GMPR: variants seen among roughly 807,000 people sequenced by gnomAD.
The protein encoded by GMPR is GMP reductase 1.
Under a neutral mutation model 38.4 loss-of-function variants are expected in GMPR, and 31 were observed. The ratio of observed to expected loss-of-function variants is 0.81; its 90% confidence interval spans 0.61 to 1.09. The LOEUF (loss-of-function observed/expected upper bound fraction) is 1.09. GMPR is among the 50% of genes least tolerant of loss of function. The pLI, the probability that GMPR is intolerant of heterozygous loss-of-function variation, is 0.00. For missense variants in GMPR, 468 were observed against 453.7 expected (o/e 1.03, Z -0.29); for synonymous variants, 162 against 173.3 (o/e 0.93, Z 0.51).
rs776953857 is a variant in GMPR, at chr6:16,250,329, T to C, written c.253T>C (p.Trp85Arg). 1 of 1,610,946 alleles carries C rather than the reference T, an allele frequency of 6.2e-7. No homozygotes were observed. The highest frequency in any genetic ancestry group is 8.5e-7 in the Non-Finnish European group (1 of 1,177,042). The change falls in exon 3 of 9, where the codon TGG (tryptophan) becomes CGG (arginine). Residue 85 changes from tryptophan (W) to arginine (R), a missense_variant. Transcript: ENST00000259727. ...TCATAAGCATTACTCCCTGGATGACTGGAAGCTCTTTGCCACAAATCACCC... is the reference window on the plus strand; with the variant it reads ...TCATAAGCATTACTCCCTGGATGACCGGAAGCTCTTTGCCACAAATCACCC... ...AIHKHYSLDD[W>R]KLFATNHPEC... is the part of the protein sequence containing the mutation.
chr6:16,278,314 A>G (rs780548794), intron 5 of GMPR, among the ~76,000 whole-genome samples: 65 of 152,180 alleles, frequency 4.3e-4, no homozygotes, highest in Non-Finnish European at 8.2e-4. Flanking sequence ...TGGATTTTAC[A>G]GGCCGGGCAG....
At chr6:16,278,671 G>A (rs1221685684) in intron 5 of GMPR, 113 bp from the exon 6 acceptor site, 2 of 760,932 alleles carry the variant, frequency 2.6e-6, no homozygotes, top group African/African-American at 3.4e-5. Context: ...CTCTGCCACA[G>A]AGGTTCACCC....
In GMPR at chr6:16,254,857, T is replaced by G. The variant is rs543634943; in HGVS notation, c.465+122T>G. The G allele has an allele frequency of 2.0e-5, 13 of 662,994 alleles. No individual in the cohort carries two copies. In the East Asian group the frequency reaches 2.3e-4, roughly 12 times the overall value. The allele number at this position is 662,994 out of a possible 1,614,324, so 41.1% of individuals were successfully genotyped here. A position where few individuals can be genotyped will look rare whatever the true frequency, so the allele number is the denominator to read the frequency against. ...CTTTTGGTGCCTCTTTAGTCAAAGA[T>G]TAATTGAGGATCATTTGGGAAAGGA... On this transcript the variant is annotated intron_variant, in intron 4 of 8. Transcript: ENST00000259727.
In GMPR at chr6:16,250,877, TA is replaced by T. The variant is rs879777724; in HGVS notation, c.291+522del. On this transcript the variant is annotated intron_variant, in intron 3 of 8. Coordinates refer to ENST00000259727, the MANE Select transcript of GMPR (RefSeq NM_006877.4). ...GTCAACATAGTGAGGGGTCTCTTTT[TA>T]AAAAAAAAAAAGACAATAAATGTTG... 7.4e-4 allele frequency among the ~76,000 whole-genome samples: 100 copies of T among 135,512 alleles called. 1 individual carries two copies. The highest frequency in any genetic ancestry group is 1.5e-3 in the South Asian group (6 of 3,888). The allele number at this position is 135,512 out of a possible 152,430, so 88.9% of individuals were successfully genotyped here.
intron 6 of GMPR, among the ~76,000 whole-genome samples, chr6:16,281,811 G>A (rs1233183338): frequency 6.6e-6 from 1 of 152,118 alleles, no homozygotes; most frequent in Non-Finnish European, 1.5e-5. Context: ...CCCGGCCTCC[G>A]AGTTTCCTTT....
At chr6:16,291,415 G>A (rs1759839187) in intron 8 of GMPR, among the ~76,000 whole-genome samples, 1 of 151,812 alleles carries the variant, frequency 6.6e-6, no homozygotes, top group Non-Finnish European at 1.5e-5. Flanking sequence ...GTAAAGATGG[G>A]GTTTCGTCAT....
intron 3 of GMPR, 87 bp downstream of exon 3, chr6:16,250,454 A>T: frequency 1.2e-6 from 1 of 810,686 alleles, no homozygotes; most frequent in South Asian, 1.4e-5. Flanking sequence ...AGTCAGTAGC[A>T]GAGAGACATT....
intron 7 of GMPR, 92 bp from the exon 8 acceptor site, chr6:16,290,370 G>T: frequency 2.6e-6 from 3 of 1,136,560 alleles, no homozygotes; most frequent in Non-Finnish European, 4.0e-6. Context: ...GGGGAGGGAG[G>T]TGAACTGGGC....
At chr6:16,263,663 A>C (rs906048583) in intron 4 of GMPR, among the ~76,000 whole-genome samples, 1 of 142,020 alleles carries the variant, frequency 7.0e-6, no homozygotes, top group Non-Finnish European at 1.5e-5. Flanking sequence ...GTGCAGAGAT[A>C]AGAGGTCAGG....
rs536029684 is a variant in GMPR, at chr6:16,289,063, G to T, written c.698-1399G>T. Among the ~76,000 whole-genome samples the T allele has an allele frequency of 5.9e-5, 9 of 152,282 alleles. No individual in the cohort carries two copies. The East Asian group carries it at 1.4e-3, about 23-fold the overall frequency. The stretch of plus-strand genomic sequence containing the variant: ...CAAACCCTTCTGGCTCCTTTTCTTT[G>T]GGAGGGTGATTTGTTGTTTCGCTCT... On this transcript the variant is annotated intron_variant, in intron 7 of 8. Transcript: ENST00000259727.
intron 7 of GMPR, among the ~76,000 whole-genome samples, chr6:16,289,146 G>A (rs1759768684): frequency 6.6e-6 from 1 of 152,204 alleles, no homozygotes; most frequent in Non-Finnish European, 1.5e-5. Context: ...TATGAGCTGT[G>A]CTATTTGCCG....
intron 2 of GMPR, 45 bp downstream of exon 2, chr6:16,247,006 T>G: frequency 6.3e-7 from 1 of 1,595,200 alleles, no homozygotes; most frequent in Non-Finnish European, 8.6e-7. Context: ...GCTCACACTG[T>G]GGACAGGTTA....
intron 4 of GMPR, among the ~76,000 whole-genome samples, chr6:16,266,081 G>A (rs1026662440): frequency 6.6e-6 from 1 of 150,982 alleles, no homozygotes; most frequent in Non-Finnish European, 1.5e-5. Context: ...ACTCCCGACG[G>A]GCTACCTTTA....
Position 16,274,463 on chromosome 6 carries a change from G to A in GMPR, c.514G>A (p.Gly172Arg), listed in dbSNP as rs368739126. 1.9e-5 allele frequency: 31 copies of A among 1,609,476 alleles called. No homozygotes were observed. In the Admixed American group the frequency reaches 2.3e-4, roughly 12 times the overall value. The change falls in exon 5 of 9, where the codon GGA becomes AGA. Residue 172 changes from glycine (G) to arginine (R), a missense_variant. Transcript: ENST00000259727. ...GEMVEELILS[G>R]ADIIKVGVGP... ...AATGGTAGAAGAGCTTATTCTTTCC[G>A]GAGCAGATATCATCAAAGTGGGAGT...
chr6:16,250,453 CAG>C, intron 3 of GMPR, 86 bp downstream of exon 3: 2 of 812,624 alleles, frequency 2.5e-6, no homozygotes, highest in South Asian at 1.4e-5. Flanking sequence ...CAGTCAGTAG[CAG>C]AGAGACATTG....
chr6:16,277,874 A>T lies in GMPR; in HGVS notation c.548-910A>T, dbSNP rs113185042. ...CCTAAGGTGGGAAGAAACTTGCCCC[A>T]TTGGAGAAGCAGTGGGGAGGGAGGG... On this transcript the variant is annotated intron_variant, in intron 5 of 8. Transcript: ENST00000259727. 5.8e-3 allele frequency among the ~76,000 whole-genome samples: 882 copies of T among 152,240 alleles called. 4 individuals are homozygous for T. Among genetic ancestry groups the T allele is most frequent in the Non-Finnish European group, 9.9e-3 (674 of 68,000 alleles).
rs1419282980 is a variant in GMPR at position 16,250,328 on chromosome 6, C to T, written c.252C>T (p.Asp84=). The change falls in exon 3 of 9, where the codon GAC becomes GAT. Residue 84 remains aspartate (D), a synonymous_variant. Transcript: ENST00000259727. The stretch of plus-strand genomic sequence containing the variant: ...TTCATAAGCATTACTCCCTGGATGA[C>T]TGGAAGCTCTTTGCCACAAATCACC... ...TAIHKHYSLD[D]WKLFATNHPE... The T allele has an allele frequency of 6.2e-7, 1 of 1,610,796 alleles. No homozygotes were observed. Among genetic ancestry groups the T allele is most frequent in the East Asian group, 2.2e-5 (1 of 44,858 alleles).
rs150006451 is a variant in GMPR at position 16,275,800 on chromosome 6, G to C, written c.547+1304G>C. ...GGGCCTGATGTGGTGGCTCACGCCT[G>C]GTCTCCCAGCACTTTGGGAGGCCAA... On this transcript the variant is annotated intron_variant, in intron 5 of 8. Transcript: ENST00000259727. Among the ~76,000 whole-genome samples, 1,290 of 152,308 alleles carry C rather than the reference G, an allele frequency of 8.5e-3. 17 individuals are homozygous for C. Among genetic ancestry groups the C allele is most frequent in the African/African-American group, 0.029 (1,224 of 41,556 alleles).
intron 3 of GMPR, among the ~76,000 whole-genome samples, chr6:16,252,643 A>C (rs1029262732): frequency 6.6e-6 from 1 of 152,216 alleles, no homozygotes; most frequent in African/African-American, 2.4e-5. Flanking sequence ...CCCGCCACCA[A>C]ATAAAAGGCG....
Sources: gnomAD v4.1 joint callset for allele counts (sites outside exome capture counted in the v4.1 genomes callset) on GRCh38, gnomAD v4.1.1 for gene constraint, MANE v1.5 for transcripts, NCBI Gene and HGNC (gene_info 2026-07-23, HGNC 2026-07-21) for gene names.